Variants in CNTRL observed in about 807,000 individuals in gnomAD.
CNTRL encodes 110 kDa centrosomal protein.
A neutral mutation model predicts 303.7 loss-of-function variants in CNTRL; 233 were observed. That is an observed-to-expected ratio of 0.77 (90% CI 0.69 to 0.86). CNTRL has a LOEUF of 0.86. CNTRL is among the 40% of genes least tolerant of loss of function. The probability of loss-of-function intolerance (pLI) is 0.00; values close to 1 mark genes in which losing one functional copy is unlikely to be tolerated. For synonymous variants in CNTRL, 900 were observed against 922.2 expected, an observed-to-expected ratio of 0.98 and a Z score of 0.44; for missense variants, 2,524 against 2,650.6, an observed-to-expected ratio of 0.95 and a Z score of 1.05.
intron 12 of CNTRL, chr9:121,122,379 C>T (rs2050279021): frequency 6.1e-6 from 6 of 985,004 alleles, no homozygotes; most frequent in South Asian, 4.7e-5. Context: ...TAAGCTGCCA[C>T]TCTTTTGTTC....
Position 121,143,889 on chromosome 9 carries a change from T to C in CNTRL, c.2872-14T>C, listed in dbSNP as rs758613781. The C allele has an allele frequency of 1.3e-6, 2 of 1,573,064 alleles. No homozygotes were observed. The highest frequency in any genetic ancestry group is 2.3e-5 in the South Asian group (2 of 86,088). ...AATGATTCATCTGTTTAATTAATAT[T>C]TCTTTTATTTTAGAAGAAACTTGAA... On this transcript the variant is annotated splice_polypyrimidine_tract_variant and intron_variant, in intron 19 of 43. Transcript: ENST00000373855.
rs2052729104 is a variant in CNTRL, at chr9:121,159,103, A to T, written c.4929+84A>T. On this transcript the variant is annotated intron_variant, in intron 31 of 43. Transcript: ENST00000373855. The stretch of plus-strand genomic sequence containing the variant: ...GATGTATTTTCATTGCTTCTCCCCA[A>T]ATGAAAATATAAATTCCTGAAATCT... The T allele has an allele frequency of 1.5e-6, 2 of 1,331,768 alleles. 1 individual carries two copies. Among genetic ancestry groups the T allele is most frequent in the Admixed American group, 4.6e-5 (2 of 43,576 alleles). 82.5% of individuals were successfully genotyped at this position (1,331,768 alleles called of 1,614,324 possible). A position where few individuals can be genotyped will look rare whatever the true frequency, so the allele number is the denominator to read the frequency against.
At chr9:121,090,149 A>G in intron 3 of CNTRL, 126 bp from the exon 4 acceptor site, 1 of 580,066 alleles carries the variant, frequency 1.7e-6, no homozygotes, top group South Asian at 3.3e-5. Context: ...ATGATTAGAA[A>G]TAGCCAGCTT....
At position 121,141,371 on chromosome 9, in the gene CNTRL, T is replaced by G; in HGVS notation, c.2484-10T>G. The G allele has an allele frequency of 6.2e-7, 1 of 1,602,980 alleles. No individual in the cohort carries two copies. The highest frequency in any genetic ancestry group is 1.3e-5 in the African/African-American group (1 of 74,760). ...GTCACATTTATACCATTTTTCCCCC[T>G]CCTTACTAGCATCCATAGTCCTTCA... On this transcript the variant is annotated splice_polypyrimidine_tract_variant and intron_variant, in intron 17 of 43. Transcript: ENST00000373855.
At chr9:121,147,555 T>A (rs1436452528) in intron 23 of CNTRL, among the ~76,000 whole-genome samples, 1 of 151,992 alleles carries the variant, frequency 6.6e-6, no homozygotes, top group Non-Finnish European at 1.5e-5. Flanking sequence ...GAGATGAGAT[T>A]AAAGGATGTT....
chr9:121,169,125 CATT>C (rs1361635981), intron 38 of CNTRL, among the ~76,000 whole-genome samples: 3 of 152,214 alleles, frequency 2.0e-5, no homozygotes, highest in Non-Finnish European at 2.9e-5. Flanking sequence ...CGTTTGCACA[CATT>C]ATTCCAATTG....
At chr9:121,149,943 C>T (rs2134200409) in intron 24 of CNTRL, among the ~76,000 whole-genome samples, 1 of 152,274 alleles carries the variant, frequency 6.6e-6, no homozygotes, top group African/African-American at 2.4e-5. Flanking sequence ...AACAAACCAA[C>T]AGATAAACAT....
At chr9:121,169,923 C>A in intron 39 of CNTRL, 107 bp downstream of exon 39, 1 of 865,506 alleles carries the variant, frequency 1.2e-6, no homozygotes, top group Non-Finnish European at 1.8e-6. Flanking sequence ...CAACCCAGTC[C>A]TGAACCCAGC....
intron 7 of CNTRL, among the ~76,000 whole-genome samples, chr9:121,104,233 G>A (rs2049336012): frequency 6.6e-6 from 1 of 152,238 alleles, no homozygotes; most frequent in South Asian, 2.1e-4. Context: ...TAGGGACATG[G>A]TTGAAGCTGG....
intron 6 of CNTRL, 126 bp from the exon 7 acceptor site, chr9:121,098,260 C>T (rs1317023553): frequency 2.9e-6 from 2 of 687,698 alleles, no homozygotes; most frequent in Non-Finnish European, 4.9e-6. Context: ...GACACCACTA[C>T]TTTTGGGTAA....
intron 42 of CNTRL, among the ~76,000 whole-genome samples, chr9:121,173,983 CA>C (rs1458091052): frequency 6.6e-6 from 1 of 152,150 alleles, no homozygotes; most frequent in Admixed American, 6.5e-5. Context: ...TGCTTTACCT[CA>C]GCTAGAACCG....
Position 121,144,884 on chromosome 9 carries a change from A to G in CNTRL, c.3093A>G (p.Gln1031=). ...AGAGGTTCAGCAGAAAGGCAGCACA[A>G]GCAGCCAGAGATCTCACCCGAGCAG... The part of the protein sequence containing the change: ...EAERFSRKAA[Q]AARDLTRAEA... The change falls in exon 21 of 44, where the codon CAA becomes CAG. Residue 1031 remains glutamine, a synonymous_variant. Transcript: ENST00000373855. The G allele has an allele frequency of 3.7e-6, 6 of 1,613,516 alleles. No individual in the cohort carries two copies. The highest frequency in any genetic ancestry group is 5.1e-6 in the Non-Finnish European group (6 of 1,179,958).
intron 7 of CNTRL, among the ~76,000 whole-genome samples, chr9:121,107,158 A>G (rs1427504106): frequency 6.6e-6 from 1 of 152,152 alleles, no homozygotes; most frequent in Non-Finnish European, 1.5e-5. Flanking sequence ...AGGCTTCTCA[A>G]AATTTTTTTT....
At position 121,177,386 on chromosome 9, in the gene CNTRL, G is replaced by A. The variant is rs1016437170; in HGVS notation, c.*200G>A. The A allele has an allele frequency of 4.6e-6, 2 of 432,408 alleles. No individual in the cohort carries two copies. Among genetic ancestry groups the A allele is most frequent in the Non-Finnish European group, 8.1e-6 (2 of 246,718 alleles). 26.8% of individuals were successfully genotyped at this position (432,408 alleles called of 1,614,324 possible). On this transcript the variant is annotated 3_prime_UTR_variant, in exon 44 of 44. Coordinates refer to ENST00000373855, the MANE Select transcript of CNTRL (RefSeq NM_007018.6). ...GTACATAGTACATATGGGAATAGTT[G>A]CATATGGGAATTTAAACCAACATGT...
chr9:121,127,473 C>A (rs1320821977), intron 14 of CNTRL, among the ~76,000 whole-genome samples: 1 of 152,046 alleles, frequency 6.6e-6, no homozygotes, highest in East Asian at 1.9e-4. Context: ...CACATCCTTG[C>A]CAACGCTGTA....
chr9:121,126,016 G>T, intron 14 of CNTRL, 80 bp downstream of exon 14: 1 of 1,204,246 alleles, frequency 8.3e-7, no homozygotes. Flanking sequence ...GGAGGTAACA[G>T]TACATTTTTA....
At chr9:121,115,931 A>G (rs1350959344) in intron 11 of CNTRL, among the ~76,000 whole-genome samples, 4 of 152,318 alleles carry the variant, frequency 2.6e-5, no homozygotes, top group Admixed American at 2.6e-4. Context: ...ACTCAAGTTT[A>G]TTGGAACCTT....
Position 121,141,552 on chromosome 9 carries a change from G to T in CNTRL, c.2655G>T (p.Glu885Asp). The T allele has an allele frequency of 6.2e-7, 1 of 1,614,098 alleles. No homozygotes were observed. Among genetic ancestry groups the T allele is most frequent in the South Asian group, 1.1e-5 (1 of 91,090 alleles). ...QQEKLATGQE[E>D]FRQACERALE... ...AGAAACTGGCAACTGGACAAGAAGA[G>T]TTCAGGCAGGCCTGTGAGAGAGCCC... The change falls in exon 18 of 44, where the codon GAG (glutamate) becomes GAT (aspartate). Residue 885 changes from glutamate (E) to aspartate (D), a missense_variant. Transcript: ENST00000373855.
At chr9:121,082,446 C>T (rs1398693062) in intron 2 of CNTRL, among the ~76,000 whole-genome samples, 2 of 152,130 alleles carry the variant, frequency 1.3e-5, no homozygotes, top group Non-Finnish European at 2.9e-5. Context: ...CACTTTCAGG[C>T]AAAATTTAGT....
Sources: allele counts gnomAD v4.1 joint callset (sites outside exome capture counted in the v4.1 genomes callset), GRCh38; gene constraint gnomAD v4.1.1; transcripts MANE v1.5; gene names NCBI Gene and HGNC (gene_info 2026-07-23, HGNC 2026-07-21).